GALNT3: variants seen among roughly 807,000 people sequenced by gnomAD.
GALNT3 encodes the protein polypeptide N-acetylgalactosaminyltransferase 3.
A neutral mutation model predicts 69.8 loss-of-function variants in GALNT3; 51 were observed. That is an observed-to-expected ratio of 0.73 (90% CI 0.58 to 0.92). GALNT3 has a LOEUF of 0.92. Among genes scored for constraint, GALNT3 ranks in the 40% least tolerant of loss-of-function variants. The pLI is 0.00. For missense variants in GALNT3, 711 were observed against 760.0 expected (o/e 0.94, Z 0.76); for synonymous variants, 265 against 248.5 (o/e 1.07, Z -0.63).
At chr2:165,790,970 CAGA>C (rs1362518826) in intron 1 of GALNT3, among the ~76,000 whole-genome samples, 2 of 152,090 alleles carry the variant, frequency 1.3e-5, no homozygotes, top group Non-Finnish European at 2.9e-5. Context: ...TAGAGCTGGA[CAGA>C]AGGTTTCTCC....
At chr2:165,788,466 GGTGTGT>G (rs148293638) in intron 1 of GALNT3, among the ~76,000 whole-genome samples, 2,465 of 139,584 alleles carry the variant, frequency 0.018, 17 homozygotes, top group African/African-American at 0.023. Context: ...AATCCAAAAG[GGTGTGT>G]GTGTGTGTGT....
intron 9 of GALNT3, among the ~76,000 whole-genome samples, chr2:165,752,186 C>T (rs1279716012): frequency 6.6e-6 from 1 of 152,100 alleles, no homozygotes; most frequent in East Asian, 1.9e-4. Flanking sequence ...CTGCTTTCTC[C>T]ATGTATCTGC....
At chr2:165,792,502 T>C (rs1166219438) in intron 1 of GALNT3, among the ~76,000 whole-genome samples, 5 of 152,212 alleles carry the variant, frequency 3.3e-5, no homozygotes, top group African/African-American at 1.2e-4. Context: ...AATTAATAAT[T>C]ACATCATGTT....
chr2:165,786,048 G>A (rs1265845042), intron 1 of GALNT3, among the ~76,000 whole-genome samples: 2 of 146,724 alleles, frequency 1.4e-5, no homozygotes, highest in Non-Finnish European at 3.1e-5. Context: ...TGTAATCACA[G>A]TAAATAAATA....
intron 1 of GALNT3, among the ~76,000 whole-genome samples, chr2:165,774,650 AG>A (rs1284041949): frequency 6.6e-6 from 1 of 152,148 alleles, no homozygotes; most frequent in East Asian, 1.9e-4. Context: ...AGTCAAGGAA[AG>A]CTCATGAGAG....
intron 1 of GALNT3, among the ~76,000 whole-genome samples, chr2:165,779,715 GA>G (rs1385460342): frequency 1.3e-5 from 2 of 151,948 alleles, no homozygotes; most frequent in African/African-American, 4.8e-5. Context: ...AAGAGGCAAA[GA>G]AAAAATGTGC....
At position 165,764,929 on chromosome 2, in the gene GALNT3, T is replaced by C. The variant is rs775992459; in HGVS notation, c.643A>G (p.Ile215Val). 7.4e-6 allele frequency: 12 copies of C among 1,614,212 alleles called. No homozygotes were observed. The South Asian group carries it at 7.7e-5, about 10-fold the overall frequency. The change falls in exon 3 of 11, where the codon ATA becomes GTA. Residue 215 changes from isoleucine (I) to valine (V), a missense_variant. Transcript: ENST00000392701. The stretch of plus-strand genomic sequence containing the variant: ...ACCAAAATGATTTCCTTCAGCAGTA[T>C]TGCAGGTGAAGAATAGAGCACACTG... ...VHSVLYSSPA[I>V]LLKEIILVDD...
chr2:165,748,285 G>T lies in GALNT3; in HGVS notation c.*496C>A. 1 of 211,976 alleles carries T rather than the reference G, an allele frequency of 4.7e-6. No individual in the cohort carries two copies. Among genetic ancestry groups the T allele is most frequent in the Non-Finnish European group, 9.6e-6 (1 of 104,578 alleles). 13.1% of individuals were successfully genotyped at this position (211,976 alleles called of 1,614,324 possible). A position where few individuals can be genotyped will look rare whatever the true frequency, so the allele number is the denominator to read the frequency against. ...ACCAAACGCAAAAAAAAGTTCACCT[G>T]CATTTTAAACTAATAAATTCTGGAT... is the stretch of plus-strand genomic sequence containing the variant. On this transcript the variant is annotated 3_prime_UTR_variant, in exon 11 of 11. Coordinates refer to ENST00000392701, the MANE Select transcript of GALNT3 (RefSeq NM_004482.4).
At chr2:165,781,700 T>C (rs1177877084) in intron 1 of GALNT3, among the ~76,000 whole-genome samples, 1 of 152,156 alleles carries the variant, frequency 6.6e-6, no homozygotes, top group African/African-American at 2.4e-5. Context: ...CTAATTCTTA[T>C]ATGCTCTACA....
intron 4 of GALNT3, among the ~76,000 whole-genome samples, chr2:165,761,542 C>T (rs1265083002): frequency 1.3e-5 from 2 of 149,900 alleles, no homozygotes; most frequent in Non-Finnish European, 3.0e-5. Flanking sequence ...CTTTCATTCA[C>T]TTTAAAGTGT....
intron 1 of GALNT3, among the ~76,000 whole-genome samples, chr2:165,786,270 C>T (rs1237365851): frequency 2.0e-5 from 3 of 152,140 alleles, no homozygotes; most frequent in Non-Finnish European, 2.9e-5. Context: ...AAAGTAGTTG[C>T]TTTTAGGCAA....
chr2:165,753,230 C>T (rs1688384301), intron 9 of GALNT3, among the ~76,000 whole-genome samples: 2 of 152,138 alleles, frequency 1.3e-5, no homozygotes, highest in African/African-American at 4.8e-5. Context: ...TAAAATAGGA[C>T]ATCATGGATA....
At chr2:165,755,141 T>C (rs1035443849) in intron 7 of GALNT3, 78 bp from the exon 8 acceptor site, 1 of 1,298,422 alleles carries the variant, frequency 7.7e-7, no homozygotes, top group African/African-American at 1.5e-5. Flanking sequence ...CTTATTTGTA[T>C]TTCTATTTAG....
intron 9 of GALNT3, among the ~76,000 whole-genome samples, chr2:165,750,357 T>C (rs1688337344): frequency 6.6e-6 from 1 of 152,166 alleles, no homozygotes; most frequent in Non-Finnish European, 1.5e-5. Flanking sequence ...CCCCACAGGG[T>C]TATGAAGATA....
intron 1 of GALNT3, among the ~76,000 whole-genome samples, chr2:165,773,650 A>G (rs770410566): frequency 6.6e-6 from 1 of 152,184 alleles, no homozygotes; most frequent in Non-Finnish European, 1.5e-5. Flanking sequence ...GGAAATTAGG[A>G]AAAAGTTCTG....
chr2:165,756,060 G>A (rs1380998361), intron 7 of GALNT3, among the ~76,000 whole-genome samples: 1 of 152,140 alleles, frequency 6.6e-6, no homozygotes, highest in Non-Finnish European at 1.5e-5. Flanking sequence ...ATGGCCTTGG[G>A]TAAAAAGATA....
At chr2:165,766,100 T>G (rs181845138) in intron 2 of GALNT3, among the ~76,000 whole-genome samples, 30 of 152,328 alleles carry the variant, frequency 2.0e-4, no homozygotes, top group Admixed American at 1.3e-3. Flanking sequence ...TTTTATGATG[T>G]TCATCATTCA....
chr2:165,758,699 T>C (rs1278357002), intron 6 of GALNT3, 48 bp downstream of exon 6: 25 of 1,132,254 alleles, frequency 2.2e-5, no homozygotes, highest in Non-Finnish European at 3.2e-5. Context: ...GAACACAATA[T>C]ATTTCATTGT....
chr2:165,769,230 A>C (rs1207204521), intron 2 of GALNT3, among the ~76,000 whole-genome samples: 1 of 139,858 alleles, frequency 7.2e-6, no homozygotes, highest in African/African-American at 2.6e-5. Flanking sequence ...ACATGGTGAA[A>C]CCCTGTCTCT....
Sources: gnomAD v4.1 joint callset for allele counts (sites outside exome capture counted in the v4.1 genomes callset) on GRCh38, gnomAD v4.1.1 for gene constraint, MANE v1.5 for transcripts, NCBI Gene and HGNC (gene_info 2026-07-23, HGNC 2026-07-21) for gene names.